LYZL2: variants seen among roughly 807,000 people sequenced by gnomAD.
LYZL2 encodes the protein lysozyme like 2.
In LYZL2, 13 loss-of-function variants were observed where a neutral mutation model predicts 17.1. That is an observed-to-expected ratio of 0.76 (90% CI 0.49 to 1.21). The LOEUF is 1.21. Ranked by LOEUF, LYZL2 falls within the 50% of genes most tolerant of loss-of-function variation. The pLI is 0.00. For synonymous variants in LYZL2, 63 were observed against 74.4 expected (o/e 0.85, Z 0.79); for missense variants, 166 against 189.2 (o/e 0.88, Z 0.72).
At position 30,611,872 on chromosome 10, in the gene LYZL2, A is replaced by G. The variant is rs567720914; in HGVS notation, c.*83T>C. The G allele has an allele frequency of 1.2e-6, 2 of 1,603,794 alleles. No homozygotes were observed. Among genetic ancestry groups the G allele is most frequent in the Admixed American group, 1.8e-5 (1 of 56,524 alleles). On this transcript the variant is annotated 3_prime_UTR_variant, in exon 5 of 5. Coordinates refer to ENST00000647634, the MANE Select transcript of LYZL2 (RefSeq NM_183058.3). ...GTTTGAGAAGGAATATTGGGAGGAA[A>G]CGGGACAAGATGACACAGGCATTTG... is the stretch of plus-strand genomic sequence containing the variant.
intron 3 of LYZL2, among the ~76,000 whole-genome samples, chr10:30,617,457 C>G (rs543496146): frequency 6.6e-6 from 1 of 152,134 alleles, no homozygotes; most frequent in South Asian, 2.1e-4. Flanking sequence ...AGGCAGATCA[C>G]TTGAGGTCAG....
downstream of LYZL2, among the ~76,000 whole-genome samples, chr10:30,611,564 AAGGAAG>A (rs1564405827): frequency 0.013 from 1,204 of 89,300 alleles, 16 homozygotes; most frequent in African/African-American, 0.042. Flanking sequence ...GGAAGGAAGG[AAGGAAG>A]GAAAGAAAGA....
chr10:30,622,479 G>T (rs751129642), intron 3 of LYZL2, among the ~76,000 whole-genome samples: 10 of 151,332 alleles, frequency 6.6e-5, no homozygotes, highest in South Asian at 2.1e-4. Flanking sequence ...AACCCAGGAG[G>T]CAGAGGGTGC....
At chr10:30,625,773 A>G (rs1291684333) in intron 3 of LYZL2, among the ~76,000 whole-genome samples, 2 of 152,230 alleles carry the variant, frequency 1.3e-5, no homozygotes, top group African/African-American at 4.8e-5. Context: ...TGAATTGCTT[A>G]TGGAAAGCAG....
chr10:30,611,566 G>A (rs200949198), downstream of LYZL2, among the ~76,000 whole-genome samples: 2,720 of 62,264 alleles, frequency 0.044, 39 homozygotes, highest in East Asian at 0.056. Flanking sequence ...AAGGAAGGAA[G>A]GAAGGAAAGA....
rs141436885 is a variant in LYZL2 at position 30,614,005 on chromosome 10, C to A, written c.299-1105G>T. 5.7e-4 allele frequency among the ~76,000 whole-genome samples: 87 copies of A among 152,142 alleles called. 1 individual carries two copies. Among genetic ancestry groups the A allele is most frequent in the African/African-American group, 2.1e-3 (86 of 41,466 alleles). On this transcript the variant is annotated intron_variant, in intron 3 of 4. Transcript: ENST00000647634. ...GATTACAGACATGAGCCACCATGCC[C>A]CGCCACCTATTATTTTTTCTATTGC...
intron 1 of LYZL2, among the ~76,000 whole-genome samples, chr10:30,628,022 T>C (rs1588680044): frequency 6.6e-6 from 1 of 152,176 alleles, no homozygotes; most frequent in East Asian, 1.9e-4. Context: ...TAGCCGGGTG[T>C]GGTGGCATGT....
rs7079108 is a variant in LYZL2 at position 30,626,953 on chromosome 10, C to T, written c.-25-13G>A. 1.4e-4 allele frequency: 222 copies of T among 1,609,586 alleles called. No individual in the cohort carries two copies. Among genetic ancestry groups the T allele is most frequent in the East Asian group, 1.1e-3 (48 of 44,850 alleles). On this transcript the variant is annotated splice_polypyrimidine_tract_variant and intron_variant, in intron 1 of 4. Transcript: ENST00000647634. ...CCGGAGACAGAACCTGCCAAAGAGC[C>T]GGAGAACAGGTCAGACGATCTTGAT...
At chr10:30,607,028 A>C (rs368646157), downstream of LYZL2, among the ~76,000 whole-genome samples, 41 of 151,038 alleles carry the variant, frequency 2.7e-4, no homozygotes, top group East Asian at 6.6e-3. Flanking sequence ...CTCCTGCCTC[A>C]GCCTCCTGAG....
rs1047675525 is a variant in LYZL2, at chr10:30,627,875, C to G, written c.-25-935G>C. Reference sequence around the variant, plus strand: ...AATGGAAAACTTTAAGATTCATCGTCTAGGCCAGGCGCGGTGGCTCACGCC... The same window carrying G: ...AATGGAAAACTTTAAGATTCATCGTGTAGGCCAGGCGCGGTGGCTCACGCC... On this transcript the variant is annotated intron_variant, in intron 1 of 4. Coordinates refer to ENST00000647634, the MANE Select transcript of LYZL2 (RefSeq NM_183058.3). Among the ~76,000 whole-genome samples, 8 of 152,310 alleles carry G rather than the reference C, an allele frequency of 5.3e-5. No individual in the cohort carries two copies. The South Asian group carries it at 6.2e-4, about 12-fold the overall frequency.
At chr10:30,618,677 A>C (rs1326297890) in intron 3 of LYZL2, among the ~76,000 whole-genome samples, 2 of 152,236 alleles carry the variant, frequency 1.3e-5, no homozygotes, top group African/African-American at 2.4e-5. Context: ...AAATTAATTC[A>C]AGATGGACTA....
At chr10:30,627,770 C>A (rs1380101157) in intron 1 of LYZL2, among the ~76,000 whole-genome samples, 1 of 152,104 alleles carries the variant, frequency 6.6e-6, no homozygotes, top group African/African-American at 2.4e-5. Context: ...CACCCCGACC[C>A]CTACATTTGT....
chr10:30,613,211 G>A (rs1025548611), intron 3 of LYZL2, among the ~76,000 whole-genome samples: 2 of 152,152 alleles, frequency 1.3e-5, no homozygotes, highest in Non-Finnish European at 2.9e-5. Flanking sequence ...TACAGAAATA[G>A]GCACAGGCCG....
intron 4 of LYZL2, 152 bp downstream of exon 4, chr10:30,612,670 A>C: frequency 3.2e-6 from 2 of 625,902 alleles, no homozygotes; most frequent in South Asian, 3.8e-5. Flanking sequence ...CTGCACACCC[A>C]CACACTGATG....
intron 3 of LYZL2, among the ~76,000 whole-genome samples, chr10:30,616,667 C>T (rs1432248301): frequency 6.6e-6 from 1 of 152,194 alleles, no homozygotes; most frequent in Non-Finnish European, 1.5e-5. Context: ...CACGCAAAAT[C>T]TCCATCAGTC....
At position 30,611,971 on chromosome 10, in the gene LYZL2, T is replaced by C. The variant is rs1054570; in HGVS notation, c.431A>G (p.Asp144Gly). ...AGTTCCAGTTTAGGAAACCTCACAG[T>C]CTTTTTTCCAGTCGGACAGGTCTCT... ...EGRDLSDWKK[D>G]CEVS The change falls in exon 5 of 5, where the codon GAC becomes GGC. Residue 144 changes from aspartate to glycine, a missense_variant. This residue lies in a region of LYZL2 where 134 missense variants were observed against 129.4 expected (regional missense o/e 1.04). Coordinates refer to ENST00000647634, the MANE Select transcript of LYZL2 (RefSeq NM_183058.3). 1.4e-4 allele frequency: 224 copies of C among 1,614,070 alleles called. 1 individual carries two copies. The highest frequency in any genetic ancestry group is 4.7e-4 in the Admixed American group (28 of 60,008).
At chr10:30,619,674 T>G in intron 3 of LYZL2, among the ~76,000 whole-genome samples, 1 of 145,448 alleles carries the variant, frequency 6.9e-6, no homozygotes. Context: ...CCGGGGACTG[T>G]TGTGGGGTGG....
chr10:30,623,499 C>T (rs963380691), intron 3 of LYZL2, among the ~76,000 whole-genome samples: 1 of 152,152 alleles, frequency 6.6e-6, no homozygotes, highest in African/African-American at 2.4e-5. Flanking sequence ...TTTACAGACC[C>T]TCCCCATCTC....
intron 3 of LYZL2, among the ~76,000 whole-genome samples, chr10:30,619,796 G>A (rs1439525712): frequency 6.6e-6 from 1 of 151,852 alleles, no homozygotes; most frequent in Non-Finnish European, 1.5e-5. Context: ...GTTGCACGTT[G>A]TGTACATGTA....
Sources: allele counts gnomAD v4.1 joint callset (sites outside exome capture counted in the v4.1 genomes callset), GRCh38; gene constraint gnomAD v4.1.1; regional missense constraint gnomAD v4.1.1; transcripts MANE v1.5; gene names NCBI Gene and HGNC (gene_info 2026-07-23, HGNC 2026-07-21).